SERINC1: variants seen among roughly 807,000 people sequenced by gnomAD.
SERINC1 encodes serine incorporator 1.
Under a neutral mutation model 52.9 loss-of-function variants are expected in SERINC1, and 38 were observed. The observed-to-expected ratio is 0.72, with a 90% confidence interval of 0.55 to 0.94. The LOEUF is 0.94. Among genes scored for constraint, SERINC1 ranks in the 40% least tolerant of loss-of-function variants. The pLI, the probability that SERINC1 is intolerant of heterozygous loss-of-function variation, is 0.00. For synonymous variants in SERINC1, 198 were observed against 183.1 expected (o/e 1.08, Z -0.66); for missense variants, 471 against 533.9 (o/e 0.88, Z 1.16).
chr6:122,448,029 C>G (rs999894079), intron 7 of SERINC1, among the ~76,000 whole-genome samples: 1 of 150,966 alleles, frequency 6.6e-6, no homozygotes, highest in Non-Finnish European at 1.5e-5. Flanking sequence ...CAGAAAGACT[C>G]GAACCCGGGA....
intron 1 of SERINC1, among the ~76,000 whole-genome samples, chr6:122,470,738 C>G (rs552683275): frequency 6.6e-6 from 1 of 152,134 alleles, no homozygotes; most frequent in African/African-American, 2.4e-5. Context: ...TTTGGGAAGT[C>G]AGAAAAGCAA....
At chr6:122,445,619 C>T (rs1774778489) in intron 9 of SERINC1, among the ~76,000 whole-genome samples, 1 of 138,826 alleles carries the variant, frequency 7.2e-6, no homozygotes, top group Non-Finnish European at 1.5e-5. Flanking sequence ...AGAGATATCT[C>T]CTTAAAAAAA....
Position 122,471,694 on chromosome 6 carries a change from C to A in SERINC1, c.39+5G>T, listed in dbSNP as rs767784115. 1 of 1,614,184 alleles carries A rather than the reference C, an allele frequency of 6.2e-7. No individual in the cohort carries two copies. The highest frequency in any genetic ancestry group is 8.5e-7 in the Non-Finnish European group (1 of 1,180,006). On this transcript the variant is annotated splice_donor_5th_base_variant and intron_variant, in intron 1 of 9. Coordinates refer to ENST00000339697, the MANE Select transcript of SERINC1 (RefSeq NM_020755.4). ...GCACCCCAGAGGCCGCAAAAAGCAC[C>A]TTACCCAGCTCGCCATGGAGCACAG...
At position 122,447,193 on chromosome 6, in the gene SERINC1, T is replaced by G; in HGVS notation, c.923A>C (p.Gln308Pro). 1 of 1,612,518 alleles carries G rather than the reference T, an allele frequency of 6.2e-7. No homozygotes were observed. Among genetic ancestry groups the G allele is most frequent in the Non-Finnish European group, 8.5e-7 (1 of 1,178,496 alleles). Residue 308 changes from glutamine (Q) to proline (P), a missense_variant, in exon 8 of 10, where the codon CAG becomes CCG. Physicochemically the swap from Gln to Pro is moderately conservative, Grantham distance 76. Transcript: ENST00000339697. Reference protein sequence around the residue: ...NTTSTVPKEGQSVQWWHAQGI... With the variant: ...NTTSTVPKEGPSVQWWHAQGI... ...TTGAGCATGCCACCACTGGACTGAC[T>G]GCCCTTCCTTTGGGACAGTGCTTGT...
chr6:122,452,029 A>G lies in SERINC1; in HGVS notation c.618T>C (p.Tyr206=), dbSNP rs912141298. 8 of 1,567,816 alleles carry G rather than the reference A, an allele frequency of 5.1e-6. No individual in the cohort carries two copies. The Admixed American group carries it at 1.1e-4, about 22-fold the overall frequency. ...AALLSATALN[Y]LLSLVAIVLF... is the part of the protein sequence containing the mutation. The stretch of plus-strand genomic sequence containing the variant: ...GGACGATAGCAACTAAAGACAGCAG[A>G]TAATTCAGAGCTGTAGCTGATAACA... Residue 206 remains tyrosine, a synonymous_variant, in exon 6 of 10, where the codon TAT becomes TAC. Coordinates refer to ENST00000339697, the MANE Select transcript of SERINC1 (RefSeq NM_020755.4).
At chr6:122,463,149 T>G (rs1429180564) in intron 1 of SERINC1, among the ~76,000 whole-genome samples, 1 of 152,202 alleles carries the variant, frequency 6.6e-6, no homozygotes, top group Non-Finnish European at 1.5e-5. Context: ...AATAGATTCA[T>G]GCAAATATAA....
chr6:122,469,380 G>GT (rs11300483), intron 1 of SERINC1, among the ~76,000 whole-genome samples: 4,286 of 139,068 alleles, frequency 0.031, 134 homozygotes, highest in African/African-American at 0.074. Context: ...TTTTGTTTTT[G>GT]TTTTTTTTTT....
At position 122,451,992 on chromosome 6, in the gene SERINC1, A is replaced by G. The variant is rs973520975; in HGVS notation, c.655T>C (p.Tyr219His). Residue 219 changes from tyrosine (Y) to histidine (H), a missense_variant, in exon 6 of 10, where the codon TAC (tyrosine) becomes CAC (histidine). Transcript: ENST00000339697. ...SLVAIVLFFV[Y>H]YTHPASCSEN... ...GAACAACTGGCTGGATGAGTGTAGT[A>G]GACAAAGAACAGGACGATAGCAACT... 9.6e-5 allele frequency: 153 copies of G among 1,594,656 alleles called. No individual in the cohort carries two copies. Among genetic ancestry groups the G allele is most frequent in the Non-Finnish European group, 1.2e-4 (141 of 1,171,176 alleles).
Position 122,447,743 on chromosome 6 carries a change from G to A in SERINC1, c.851-478C>T, listed in dbSNP as rs78926546. Among the ~76,000 whole-genome samples the A allele has an allele frequency of 2.2e-3, 335 of 152,218 alleles. 8 individuals are homozygous for A. The East Asian group carries it at 0.043, about 20-fold the overall frequency. On this transcript the variant is annotated intron_variant, in intron 7 of 9. Coordinates refer to ENST00000339697, the MANE Select transcript of SERINC1 (RefSeq NM_020755.4). Reference sequence around the variant, plus strand: ...CAGCTTACACAAAAACCAGTTATAAGGACTCCAGCAAATGCCTCATGGAAA... The same window carrying A: ...CAGCTTACACAAAAACCAGTTATAAAGACTCCAGCAAATGCCTCATGGAAA...
intron 7 of SERINC1, among the ~76,000 whole-genome samples, chr6:122,448,837 C>G (rs1414115897): frequency 7.7e-6 from 1 of 129,450 alleles, no homozygotes; most frequent in African/African-American, 2.9e-5. Flanking sequence ...GTTCTTTTTA[C>G]AAATTGAAGG....
At position 122,447,007 on chromosome 6, in the gene SERINC1, GTATGAA is replaced by G. The variant is rs1201999166; in HGVS notation, c.996-9_996-4del. 1.9e-5 allele frequency: 30 copies of G among 1,597,874 alleles called. No individual in the cohort carries two copies. Among genetic ancestry groups the G allele is most frequent in the Non-Finnish European group, 2.5e-5 (29 of 1,165,554 alleles). On this transcript the variant is annotated splice_region_variant and splice_polypyrimidine_tract_variant and intron_variant, in intron 8 of 9. Transcript: ENST00000339697. Reference sequence around the variant, plus strand: ...GACTATTGTTTGAAGTACGGATGCTGTATGAAAGAGAGTTTAGGAGGAGAGAAAAAA... The same window carrying G: ...GACTATTGTTTGAAGTACGGATGCTGAGAGAGTTTAGGAGGAGAGAAAAAA...
At chr6:122,449,015 T>C (rs1774858864) in intron 7 of SERINC1, among the ~76,000 whole-genome samples, 1 of 152,198 alleles carries the variant, frequency 6.6e-6, no homozygotes, top group South Asian at 2.1e-4. Flanking sequence ...ATGTTACTAT[T>C]GTAATTTCTT....
chr6:122,451,561 C>G (rs1164219845), intron 7 of SERINC1, 103 bp downstream of exon 7: 1 of 435,500 alleles, frequency 2.3e-6, no homozygotes, highest in Non-Finnish European at 4.2e-6. Flanking sequence ...CTTTATTCCT[C>G]TAGAAGCCTA....
intron 5 of SERINC1, among the ~76,000 whole-genome samples, chr6:122,453,547 AT>A (rs1243307516): frequency 6.6e-6 from 1 of 152,092 alleles, no homozygotes; most frequent in Non-Finnish European, 1.5e-5. Context: ...GTTCTTTTGG[AT>A]TCTTTCCTGG....
At chr6:122,454,276 A>ATAGAC in intron 3 of SERINC1, 46 bp from the exon 4 acceptor site, 1 of 983,600 alleles carries the variant, frequency 1.0e-6, no homozygotes, top group Non-Finnish European at 1.5e-6. Context: ...ACATTCATCA[A>ATAGAC]ATAATTTCAT....
intron 3 of SERINC1, among the ~76,000 whole-genome samples, chr6:122,455,388 A>G (rs908806284): frequency 1.3e-5 from 2 of 149,576 alleles, no homozygotes; most frequent in South Asian, 2.1e-4. Flanking sequence ...GGGCTAGAAT[A>G]TAAAGCAGGC....
chr6:122,451,774 A>AAAAAAAAAAATAT lies in SERINC1; in HGVS notation c.760-21_760-20insATATTTTTTTTTT. The AAAAAAAAAAATAT allele has an allele frequency of 4.7e-6, 1 of 211,000 alleles. No individual in the cohort carries two copies. Among genetic ancestry groups the AAAAAAAAAAATAT allele is most frequent in the Non-Finnish European group, 6.8e-6 (1 of 147,526 alleles). 13.1% of individuals were successfully genotyped at this position (211,000 alleles called of 1,614,324 possible). A position where few individuals can be genotyped will look rare whatever the true frequency, so the allele number is the denominator to read the frequency against. On this transcript the variant is annotated intron_variant, in intron 6 of 9. Coordinates refer to ENST00000339697, the MANE Select transcript of SERINC1 (RefSeq NM_020755.4). ...TGATTCCTACAAAAAAAAAAAAAAA[A>AAAAAAAAAAATAT]AAATATATATATATATATATAGCAA...
At chr6:122,462,234 T>C (rs889128576) in intron 1 of SERINC1, among the ~76,000 whole-genome samples, 9 of 152,220 alleles carry the variant, frequency 5.9e-5, no homozygotes, top group African/African-American at 2.2e-4. Flanking sequence ...ACTTGATAAA[T>C]GGCATTTACA....
At position 122,454,153 on chromosome 6, in the gene SERINC1, G is replaced by A; in HGVS notation, c.449C>T (p.Thr150Ile). ...ACAACTTAAAAAGGATTTCTTACCAGTTGTAAAAGTTCCTTCTGGAATGAA... is the reference window on the plus strand; with the variant it reads ...ACAACTTAAAAAGGATTTCTTACCAATTGTAAAAGTTCCTTCTGGAATGAA... Reference protein sequence around the residue: ...AFFIPEGTFTTVWFYVGMAGA... With the variant: ...AFFIPEGTFTIVWFYVGMAGA... Residue 150 changes from threonine (T) to isoleucine (I), a missense_variant and splice_region_variant, in exon 4 of 10, where the codon ACT becomes ATT. Physicochemically the swap from Thr to Ile is moderately conservative, Grantham distance 89. Coordinates refer to ENST00000339697, the MANE Select transcript of SERINC1 (RefSeq NM_020755.4). 1 of 1,555,644 alleles carries A rather than the reference G, an allele frequency of 6.4e-7. No homozygotes were observed. Among genetic ancestry groups the A allele is most frequent in the Non-Finnish European group, 8.7e-7 (1 of 1,143,152 alleles).
Sources: allele counts gnomAD v4.1 joint callset (sites outside exome capture counted in the v4.1 genomes callset), GRCh38; gene constraint gnomAD v4.1.1; transcripts MANE v1.5; gene names NCBI Gene and HGNC (gene_info 2026-07-23, HGNC 2026-07-21).